ANKS1B: variants seen among roughly 807,000 people sequenced by gnomAD.
ANKS1B encodes the protein ankyrin repeat and sterile alpha motif domain containing 1B, also known as ankyrin repeat and sterile alpha motif domain-containing protein 1B.
In ANKS1B, 36 loss-of-function variants were observed where a neutral mutation model predicts 148.3. The ratio of observed to expected loss-of-function variants is 0.24; its 90% confidence interval spans 0.19 to 0.32. The LOEUF is 0.32. ANKS1B is among the 10% of genes least tolerant of loss of function. ANKS1B has a pLI of 1.00. For missense variants in ANKS1B, 1,157 were observed against 1,542.6 expected (o/e 0.75, Z 4.19); for synonymous variants, 542 against 560.8 (o/e 0.97, Z 0.47).
intron 16 of ANKS1B, among the ~76,000 whole-genome samples, chr12:99,075,881 A>G (rs1488251513): frequency 1.3e-5 from 2 of 148,622 alleles, no homozygotes; most frequent in Admixed American, 1.4e-4. Context: ...ATTATAAAAT[A>G]TATATCATAT....
At chr12:99,098,619 CTTTTTTTTTTTTTTTTTTTTTTTTTTT>C (rs71081896) in intron 15 of ANKS1B, among the ~76,000 whole-genome samples, 2 of 32,120 alleles carry the variant, frequency 6.2e-5, no homozygotes, top group Admixed American at 6.7e-4. Context: ...CTAGGAACTA[CTTTTTTTTTTTTTTTTTTTTTTTTTTT>C]TTTTTTTTTT....
At chr12:99,443,892 T>C (rs1391795862) in intron 10 of ANKS1B, 83 bp from the exon 11 acceptor site, 21 of 1,480,174 alleles carry the variant, frequency 1.4e-5, no homozygotes, top group Admixed American at 2.2e-5. Context: ...GAACATAAAT[T>C]GAGATTTCAA....
chr12:99,827,595 T>C (rs1302187457), intron 1 of ANKS1B, among the ~76,000 whole-genome samples: 2 of 152,238 alleles, frequency 1.3e-5, no homozygotes, highest in Non-Finnish European at 2.9e-5. Context: ...TTTGTTTCAC[T>C]GTAGTAAACT....
intron 10 of ANKS1B, among the ~76,000 whole-genome samples, chr12:99,460,789 G>T (rs1029797876): frequency 1.7e-4 from 26 of 151,762 alleles, no homozygotes; most frequent in African/African-American, 6.0e-4. Context: ...CTTTTACATT[G>T]TTGATGGGAA....
chr12:98,872,178 T>G (rs2099672378), intron 17 of ANKS1B, among the ~76,000 whole-genome samples: 1 of 152,158 alleles, frequency 6.6e-6, no homozygotes, highest in Non-Finnish European at 1.5e-5. Flanking sequence ...CTCCCCAAAT[T>G]CATATGTTGA....
At chr12:99,108,728 A>G (rs1300063820) in intron 15 of ANKS1B, among the ~76,000 whole-genome samples, 1 of 152,226 alleles carries the variant, frequency 6.6e-6, no homozygotes, top group Non-Finnish European at 1.5e-5. Context: ...AACAGAGTTT[A>G]GAACAGAGAA....
chr12:98,937,511 G>A (rs1296188673), intron 17 of ANKS1B, among the ~76,000 whole-genome samples: 1 of 151,644 alleles, frequency 6.6e-6, no homozygotes, highest in East Asian at 1.9e-4. Context: ...TACTCTTTTT[G>A]CCAGAGACTC....
chr12:99,152,766 T>C (rs2075280967), intron 15 of ANKS1B, among the ~76,000 whole-genome samples: 1 of 152,062 alleles, frequency 6.6e-6, no homozygotes, highest in Non-Finnish European at 1.5e-5. Flanking sequence ...CAAGTAGACA[T>C]AGGGAGAAAT....
intron 17 of ANKS1B, among the ~76,000 whole-genome samples, chr12:98,936,491 G>A (rs1157747587): frequency 1.3e-5 from 2 of 152,072 alleles, no homozygotes; most frequent in Non-Finnish European, 2.9e-5. Context: ...GCCGGGCGTG[G>A]TGGCAGTTGC....
At chr12:99,142,143 G>T (rs958199094) in intron 15 of ANKS1B, among the ~76,000 whole-genome samples, 9 of 151,952 alleles carry the variant, frequency 5.9e-5, no homozygotes, top group Middle Eastern at 3.4e-3. Context: ...AAGCAGGGAG[G>T]GCTACAAGGA....
At chr12:99,781,961 T>C (rs1418699044) in intron 5 of ANKS1B, 61 bp downstream of exon 5, 3 of 1,424,008 alleles carry the variant, frequency 2.1e-6, no homozygotes, top group Admixed American at 2.2e-5. Flanking sequence ...TTCCTTTGTC[T>C]ATTCCCAAAA....
At chr12:99,889,248 C>A (rs191999412) in intron 1 of ANKS1B, among the ~76,000 whole-genome samples, 334 of 152,082 alleles carry the variant, frequency 2.2e-3, no homozygotes, top group African/African-American at 7.6e-3. Context: ...GGCTGTGTGA[C>A]CCTTGTTTTA....
At chr12:99,252,524 T>G (rs1382992535) in intron 12 of ANKS1B, among the ~76,000 whole-genome samples, 1 of 152,144 alleles carries the variant, frequency 6.6e-6, no homozygotes, top group Non-Finnish European at 1.5e-5. Flanking sequence ...GAAGTCCCCA[T>G]GGCCCCGAAA....
chr12:99,836,856 A>T (rs897214350), intron 1 of ANKS1B, among the ~76,000 whole-genome samples: 10 of 152,160 alleles, frequency 6.6e-5, no homozygotes, highest in African/African-American at 2.4e-4. Flanking sequence ...TTTTGGTGGC[A>T]ATTGTTTTTC....
intron 14 of ANKS1B, among the ~76,000 whole-genome samples, chr12:99,225,031 A>G (rs1601834471): frequency 6.6e-6 from 1 of 152,144 alleles, no homozygotes; most frequent in Non-Finnish European, 1.5e-5. Flanking sequence ...ATGTTTCAGA[A>G]CCAATGTGTG....
At chr12:99,237,338 G>T in intron 14 of ANKS1B, among the ~76,000 whole-genome samples, 1 of 152,060 alleles carries the variant, frequency 6.6e-6, no homozygotes, top group East Asian at 1.9e-4. Context: ...ATATGTGTGT[G>T]TATGTGTTTG....
At chr12:98,813,373 A>ATT (rs34237643) in intron 19 of ANKS1B, among the ~76,000 whole-genome samples, 1 of 135,596 alleles carries the variant, frequency 7.4e-6, no homozygotes. Context: ...CACTTCACCT[A>ATT]TTTTTTTTTT....
At chr12:99,263,765 C>T (rs978644157) in intron 12 of ANKS1B, among the ~76,000 whole-genome samples, 12 of 152,088 alleles carry the variant, frequency 7.9e-5, no homozygotes, top group Admixed American at 2.0e-4. Context: ...TCTTGCCTGC[C>T]GCCATGAAAG....
chr12:98,767,875 C>T (rs1038714201), intron 25 of ANKS1B, among the ~76,000 whole-genome samples: 1 of 152,342 alleles, frequency 6.6e-6, no homozygotes, highest in African/African-American at 2.4e-5. Context: ...AGGACGATCA[C>T]TTCAGCCTCG....
Sources: gnomAD v4.1 joint callset for allele counts (sites outside exome capture counted in the v4.1 genomes callset) on GRCh38, gnomAD v4.1.1 for gene constraint, MANE v1.5 for transcripts, NCBI Gene and HGNC (gene_info 2026-07-23, HGNC 2026-07-21) for gene names.